Variants in UBE4A observed in about 807,000 individuals in gnomAD.
UBE4A encodes the protein ubiquitination factor E4A.
UBE4A carries 48 observed loss-of-function variants against 117.9 expected under a neutral mutation model. That is an observed-to-expected ratio of 0.41 (90% confidence interval 0.32 to 0.52). The LOEUF (loss-of-function observed/expected upper bound fraction) is 0.52. Ranked by LOEUF, UBE4A falls within the 20% of genes least tolerant of loss-of-function variation. UBE4A has a pLI of 0.33. For synonymous variants in UBE4A, 407 were observed against 450.0 expected (o/e 0.90, Z 1.21); for missense variants, 1,067 against 1,296.3 (o/e 0.82, Z 2.72).
chr11:118,363,849 C>G (rs1372935342), intron 1 of UBE4A, among the ~76,000 whole-genome samples: 2 of 152,126 alleles, frequency 1.3e-5, no homozygotes, highest in Non-Finnish European at 2.9e-5. Context: ...AACTCCTGAC[C>G]TCAGGTGATC....
Position 118,374,906 on chromosome 11 carries a change from A to G in UBE4A, c.1127A>G (p.Gln376Arg). Residue 376 changes from glutamine (Q) to arginine (R), a missense_variant, in exon 9 of 20, where the codon CAG becomes CGG. Coordinates refer to ENST00000252108, the MANE Select transcript of UBE4A (RefSeq NM_001204077.2). ...TTTCTGGTTGAACAGTTCATGGCTC[A>G]GTTCCACGAAAAGATCTACCAGATG... The part of the protein sequence containing the change: ...QEANIHQFMA[Q>R]FHEKIYQMLK... 1 of 1,533,232 alleles carries G rather than the reference A, an allele frequency of 6.5e-7. No homozygotes were observed. The highest frequency in any genetic ancestry group is 8.8e-7 in the Non-Finnish European group (1 of 1,138,738). 95.0% of individuals were successfully genotyped at this position (1,533,232 alleles called of 1,614,324 possible). A position where few individuals can be genotyped will look rare whatever the true frequency, so the allele number is the denominator to read the frequency against.
Position 118,390,792 on chromosome 11 carries a change from A to C in UBE4A, c.2904A>C (p.Ala968=). 3 of 1,610,286 alleles carry C rather than the reference A, an allele frequency of 1.9e-6. No homozygotes were observed. Among genetic ancestry groups the C allele is most frequent in the Non-Finnish European group, 1.7e-6 (2 of 1,177,944 alleles). The part of the protein sequence containing the change: ...GNMIMAFSNL[A]ERIKSLADLQ... Reference sequence around the variant, plus strand: ...TGATTATGGCTTTCAGCAACTTGGCAGAGAGAATCAAGGTGAGGAAGAGGA... The same window carrying C: ...TGATTATGGCTTTCAGCAACTTGGCCGAGAGAATCAAGGTGAGGAAGAGGA... The change falls in exon 18 of 20, where the codon GCA becomes GCC. Residue 968 remains alanine (A), a synonymous_variant. Coordinates refer to ENST00000252108, the MANE Select transcript of UBE4A (RefSeq NM_001204077.2).
At chr11:118,387,117 A>G (rs1007612295) in intron 16 of UBE4A, among the ~76,000 whole-genome samples, 2 of 152,304 alleles carry the variant, frequency 1.3e-5, no homozygotes, top group East Asian at 3.9e-4. Context: ...AAATCTGTCC[A>G]TTTTTATACT....
chr11:118,368,207 T>C (rs887693114), intron 2 of UBE4A, among the ~76,000 whole-genome samples: 1 of 152,204 alleles, frequency 6.6e-6, no homozygotes, highest in African/African-American at 2.4e-5. Context: ...CTTTAGGGAA[T>C]TGGTTCAGGA....
chr11:118,381,608 A>T, intron 12 of UBE4A, 85 bp downstream of exon 12: 2 of 1,537,416 alleles, frequency 1.3e-6, no homozygotes, highest in Non-Finnish European at 1.8e-6. Flanking sequence ...AACAAGCCTG[A>T]ATCATAAGGG....
intron 9 of UBE4A, 139 bp from the exon 10 acceptor site, chr11:118,376,433 GAT>G (rs1948652943): frequency 8.1e-7 from 1 of 1,241,060 alleles, no homozygotes; most frequent in Non-Finnish European, 1.1e-6. Flanking sequence ...GAAACCAAAA[GAT>G]ATATTCAGAC....
intron 16 of UBE4A, among the ~76,000 whole-genome samples, chr11:118,389,376 A>AT (rs1555127801): frequency 3.9e-5 from 6 of 152,240 alleles, no homozygotes; most frequent in Non-Finnish European, 7.3e-5. Context: ...GAAAACAGTA[A>AT]GTTTCAGAAT....
chr11:118,391,373 C>T (rs1014526993), intron 18 of UBE4A, among the ~76,000 whole-genome samples: 1 of 151,534 alleles, frequency 6.6e-6, no homozygotes, highest in Admixed American at 6.6e-5. Flanking sequence ...CCTGTAATCC[C>T]AGCTACTCGG....
intron 5 of UBE4A, among the ~76,000 whole-genome samples, chr11:118,371,942 C>T (rs1001869428): frequency 1.3e-5 from 2 of 152,160 alleles, no homozygotes; most frequent in Non-Finnish European, 2.9e-5. Context: ...TCTCTAAAAC[C>T]TCTTTAGAAA....
rs1948899923 is a variant in UBE4A at position 118,398,906 on chromosome 11, A to G, written c.*2466A>G. 1 of 254,088 alleles carries G rather than the reference A, an allele frequency of 3.9e-6. No homozygotes were observed. Among genetic ancestry groups the G allele is most frequent in the South Asian group, 3.4e-5 (1 of 29,140 alleles). The allele number at this position is 254,088 out of a possible 1,614,324, so 15.7% of individuals were successfully genotyped here. On this transcript the variant is annotated 3_prime_UTR_variant, in exon 20 of 20. Coordinates refer to ENST00000252108, the MANE Select transcript of UBE4A (RefSeq NM_001204077.2). ...TTGCTATTTGATATCACACTCTACA[A>G]AAGCTTCATTACTTTATTTGATGGT...
rs544969655 is a variant in UBE4A, at chr11:118,391,158, T to C, written c.2916+354T>C. 6.6e-5 allele frequency among the ~76,000 whole-genome samples: 10 copies of C among 152,332 alleles called. No individual in the cohort carries two copies. The East Asian group carries it at 1.5e-3, about 23-fold the overall frequency. ...TCACTTAGAACTACAATATTCTTAG[T>C]TTTATTCTTGTCAACATGAGAGTGA... On this transcript the variant is annotated intron_variant, in intron 18 of 19. Coordinates refer to ENST00000252108, the MANE Select transcript of UBE4A (RefSeq NM_001204077.2).
At chr11:118,366,082 G>C (rs938079991) in intron 2 of UBE4A, among the ~76,000 whole-genome samples, 8 of 150,802 alleles carry the variant, frequency 5.3e-5, no homozygotes, top group Non-Finnish European at 7.4e-5. Flanking sequence ...AAAACACTCA[G>C]GTGCATAGCT....
Position 118,373,179 on chromosome 11 carries a change from T to A in UBE4A, c.815T>A (p.Val272Glu). Residue 272 changes from valine to glutamate, a missense_variant, in exon 7 of 20, where the codon GTG becomes GAG. Val to Glu is a moderately radical substitution (Grantham distance 121). Transcript: ENST00000252108. Reference sequence around the variant, plus strand: ...ACATTTCCAGAAGTCATGATTCCAGTGTTTGATATTTTATTGGGCCGAATA... The same window carrying A: ...ACATTTCCAGAAGTCATGATTCCAGAGTTTGATATTTTATTGGGCCGAATA... ...VRTFPEVMIPVFDILLGRIKD... is the reference protein window; with the variant it reads ...VRTFPEVMIPEFDILLGRIKD... The A allele has an allele frequency of 1.9e-6, 3 of 1,614,020 alleles. No individual in the cohort carries two copies. The highest frequency in any genetic ancestry group is 2.5e-6 in the Non-Finnish European group (3 of 1,180,006).
chr11:118,360,986 ATGTG>A (rs10624453), intron 1 of UBE4A, among the ~76,000 whole-genome samples: 2 of 140,870 alleles, frequency 1.4e-5, no homozygotes, highest in African/African-American at 2.7e-5. Flanking sequence ...GTATGTATAT[ATGTG>A]TGTGTGTGTG....
At chr11:118,374,083 C>T (rs957249959) in intron 8 of UBE4A, among the ~76,000 whole-genome samples, 5 of 151,834 alleles carry the variant, frequency 3.3e-5, no homozygotes, top group Admixed American at 6.6e-5. Context: ...CATCACGCTC[C>T]GGCCTGGATG....
In UBE4A at chr11:118,373,487, CTT is replaced by C; in HGVS notation, c.925-6_925-5del. The stretch of plus-strand genomic sequence containing the variant: ...GATGAATAAGCAGAACTTGTCTTCT[CTT>C]ACAGGTTTTTGTAGAATACATTCAG... On this transcript the variant is annotated splice_region_variant and splice_polypyrimidine_tract_variant and intron_variant, in intron 7 of 19. Transcript: ENST00000252108. 1.2e-6 allele frequency: 2 copies of C among 1,608,530 alleles called. No individual in the cohort carries two copies. Among genetic ancestry groups the C allele is most frequent in the Non-Finnish European group, 1.7e-6 (2 of 1,177,318 alleles).
At chr11:118,369,655 T>C (rs1948593339) in intron 4 of UBE4A, 120 bp downstream of exon 4, 1 of 683,238 alleles carries the variant, frequency 1.5e-6, no homozygotes, top group Admixed American at 3.0e-5. Context: ...TCTTTTTTTT[T>C]TTTTTTTTTT....
Position 118,381,409 on chromosome 11 carries a change from T to C in UBE4A, c.1895T>C (p.Leu632Pro), listed in dbSNP as rs891369567. 3 of 1,614,092 alleles carry C rather than the reference T, an allele frequency of 1.9e-6. No individual in the cohort carries two copies. The highest frequency in any genetic ancestry group is 3.3e-5 in the Admixed American group (2 of 60,012). ...AYVPEFFADN[L>P]GDFLIFLRRF... Reference sequence around the variant, plus strand: ...TTTTCAGAATTTTTTGCAGATAACCTGGGTGATTTTCTCATTTTTCTCCGC... The same window carrying C: ...TTTTCAGAATTTTTTGCAGATAACCCGGGTGATTTTCTCATTTTTCTCCGC... Residue 632 changes from leucine to proline, a missense_variant, in exon 12 of 20, where the codon CTG becomes CCG. By Grantham distance (98) the Leu-to-Pro change is moderately conservative (BLOSUM62 -3). Transcript: ENST00000252108.
rs954632796 is a variant in UBE4A, at chr11:118,375,204, A to G, written c.1425A>G (p.Arg475=). 5.0e-6 allele frequency: 8 copies of G among 1,609,480 alleles called. No individual in the cohort carries two copies. In the African/African-American group the frequency reaches 5.4e-5, roughly 11 times the overall value. The part of the protein sequence containing the change: ...CALKELNDEE[R]KIKNVHMRGL... ...TCAAGGAGTTGAATGATGAAGAACGAAAAATTAAAAATGTACACATGAGAG... is the reference window on the plus strand; with the variant it reads ...TCAAGGAGTTGAATGATGAAGAACGGAAAATTAAAAATGTACACATGAGAG... The change falls in exon 9 of 20, where the codon CGA becomes CGG. Residue 475 remains arginine (R), a synonymous_variant. Transcript: ENST00000252108.
Sources: gnomAD v4.1 joint callset for allele counts (sites outside exome capture counted in the v4.1 genomes callset) on GRCh38, gnomAD v4.1.1 for gene constraint, MANE v1.5 for transcripts, NCBI Gene and HGNC (gene_info 2026-07-23, HGNC 2026-07-21) for gene names.